The following TWIST2 variants were observed in gnomAD, a reference collection of about 807,000 sequenced individuals.
TWIST2 encodes twist-related protein 2.
Under a neutral mutation model 11.6 loss-of-function variants are expected in TWIST2, and 1 was observed. The ratio of observed to expected loss-of-function variants is 0.09; its 90% CI spans 0.03 to 0.41. The LOEUF (loss-of-function observed/expected upper bound fraction) is 0.41, where lower values mean the gene tolerates loss of function less well. Among genes scored for constraint, TWIST2 ranks in the 10% least tolerant of loss-of-function variants. The pLI is 0.98. For synonymous variants in TWIST2, 87 were observed against 96.6 expected, an observed-to-expected ratio of 0.90 and a Z score of 0.58; for missense variants, 168 against 226.4, an observed-to-expected ratio of 0.74 and a Z score of 1.66.
intron 1 of TWIST2, among the ~76,000 whole-genome samples, chr2:238,890,082 C>T (rs891911609): frequency 1.3e-5 from 2 of 152,328 alleles, no homozygotes; most frequent in Admixed American, 6.5e-5. Flanking sequence ...GTGGAGGATA[C>T]GTTCTTAAAG....
chr2:238,858,318 C>T (rs146512235), intron 1 of TWIST2, among the ~76,000 whole-genome samples: 73 of 152,302 alleles, frequency 4.8e-4, no homozygotes, highest in Non-Finnish European at 7.2e-4. Flanking sequence ...TGACTCTCTA[C>T]AACAGATTTT....
chr2:238,878,058 G>A (rs191347556), intron 1 of TWIST2, among the ~76,000 whole-genome samples: 46 of 152,262 alleles, frequency 3.0e-4, no homozygotes, highest in Admixed American at 2.4e-3. Context: ...TGGATTATGC[G>A]GAGCATAATT....
rs886666580 is a variant in TWIST2 at position 238,867,626 on chromosome 2, G to A, written c.*35+18893G>A. 2.0e-5 allele frequency among the ~76,000 whole-genome samples: 3 copies of A among 152,132 alleles called. No individual in the cohort carries two copies. The highest frequency in any genetic ancestry group is 1.5e-5 in the Non-Finnish European group (1 of 68,018). On this transcript the variant is annotated intron_variant, in intron 1 of 1. Coordinates refer to ENST00000612363, the MANE Select transcript of TWIST2 (RefSeq NM_001271893.4). The surrounding 1 kb of genome is among the most constrained non-coding windows in gnomAD (Gnocchi z 4.8). Reference sequence around the variant, plus strand: ...ACGGAGGAGCTGTCAGCAAGCAGGCGTCCGAAGATTGAGATCACAGAGGGG... The same window carrying A: ...ACGGAGGAGCTGTCAGCAAGCAGGCATCCGAAGATTGAGATCACAGAGGGG...
intron 1 of TWIST2, among the ~76,000 whole-genome samples, chr2:238,868,425 C>T (rs1055746182): frequency 2.0e-5 from 3 of 152,172 alleles, no homozygotes; most frequent in Non-Finnish European, 4.4e-5. Flanking sequence ...CTGCCCACTT[C>T]GGACAGGGGC....
chr2:238,873,598 GA>G (rs1692749955), intron 1 of TWIST2, among the ~76,000 whole-genome samples: 1 of 152,150 alleles, frequency 6.6e-6, no homozygotes, highest in Non-Finnish European at 1.5e-5. Context: ...ATGTTCTCAG[GA>G]AGGTGCACAC....
chr2:238,874,326 C>T (rs150594345), intron 1 of TWIST2, among the ~76,000 whole-genome samples: 1 of 152,290 alleles, frequency 6.6e-6, no homozygotes, highest in African/African-American at 2.4e-5. Context: ...CTCAACTTTC[C>T]TGCTGTGGGC....
intron 1 of TWIST2, among the ~76,000 whole-genome samples, chr2:238,872,138 C>T (rs557001180): frequency 1.1e-4 from 17 of 152,278 alleles, no homozygotes; most frequent in Non-Finnish European, 2.4e-4. Flanking sequence ...TGGGGGGGTC[C>T]CACAGTGGGT....
intron 1 of TWIST2, among the ~76,000 whole-genome samples, chr2:238,888,999 C>T (rs887080491): frequency 1.3e-5 from 2 of 152,144 alleles, no homozygotes; most frequent in African/African-American, 4.8e-5. Flanking sequence ...TAAATGTTCT[C>T]TTAAAAAAAT....
intron 1 of TWIST2, among the ~76,000 whole-genome samples, chr2:238,902,264 TTGGGGTG>T (rs2106373458): frequency 6.7e-6 from 1 of 149,628 alleles, no homozygotes; most frequent in South Asian, 2.1e-4. Context: ...TTTGTATGAA[TTGGGGTG>T]TGTGTGATGG....
intron 1 of TWIST2, among the ~76,000 whole-genome samples, chr2:238,901,085 C>T (rs879107941): frequency 0.37 from 56,218 of 151,104 alleles, 10,582 homozygotes; most frequent in Middle Eastern, 0.5. Flanking sequence ...TCAAGTGTTC[C>T]CCTGCCTCAG....
Position 238,883,183 on chromosome 2 carries a change from C to T in TWIST2, c.*36-26659C>T, listed in dbSNP as rs145632290. ...CTCGAAGTTCCTTGGAGGACAGCCG[C>T]GGTGTTTATGTGACTCTTGTTTTAT... On this transcript the variant is annotated intron_variant, in intron 1 of 1. Coordinates refer to ENST00000612363, the MANE Select transcript of TWIST2 (RefSeq NM_001271893.4). 8.2e-3 allele frequency among the ~76,000 whole-genome samples: 1,255 copies of T among 152,242 alleles called. 22 individuals carry two copies. The highest frequency in any genetic ancestry group is 0.029 in the African/African-American group (1,199 of 41,516).
intron 1 of TWIST2, among the ~76,000 whole-genome samples, chr2:238,857,009 G>A (rs1030422713): frequency 8.5e-5 from 13 of 152,182 alleles, no homozygotes; most frequent in South Asian, 2.1e-4. Context: ...TGTGACAATC[G>A]CAGGTGATTC....
intron 1 of TWIST2, among the ~76,000 whole-genome samples, chr2:238,886,621 C>T (rs1693043614): frequency 6.6e-6 from 1 of 151,914 alleles, no homozygotes; most frequent in African/African-American, 2.4e-5. Context: ...CAGTGCTTAT[C>T]TCGGTGAGTG....
At chr2:238,905,936 TGTGTGTGC>T (rs1321532592) in intron 1 of TWIST2, among the ~76,000 whole-genome samples, 31 of 112,300 alleles carry the variant, frequency 2.8e-4, no homozygotes, top group African/African-American at 1.1e-3. Flanking sequence ...CGTGTGCGCG[TGTGTGTGC>T]GCGCGCGTGT....
rs1011233645 is a variant in TWIST2 at position 238,897,785 on chromosome 2, G to A, written c.*36-12057G>A. Among the ~76,000 whole-genome samples, 89 of 152,338 alleles carry A rather than the reference G, an allele frequency of 5.8e-4. 1 individual carries two copies. Among genetic ancestry groups the A allele is most frequent in the African/African-American group, 1.9e-3 (80 of 41,572 alleles). On this transcript the variant is annotated intron_variant, in intron 1 of 1. Transcript: ENST00000612363. ...ATGCTGGCACTGCCCATCCCAGCCC[G>A]GGCTGGCAGCAAGCTGGGAGCCTAC...
chr2:238,902,354 T>G (rs1046946781), intron 1 of TWIST2, among the ~76,000 whole-genome samples: 13 of 149,856 alleles, frequency 8.7e-5, no homozygotes, highest in African/African-American at 3.2e-4. Context: ...TGGGTTTGTG[T>G]GAATCGGAGT....
At chr2:238,868,905 A>G (rs1692595137) in intron 1 of TWIST2, among the ~76,000 whole-genome samples, 1 of 152,208 alleles carries the variant, frequency 6.6e-6, no homozygotes, top group Admixed American at 6.5e-5. Flanking sequence ...GGTGGCATCC[A>G]CCTGCATTCT....
rs1389033848 is a variant in TWIST2, at chr2:238,866,971, C to T, written c.*35+18238C>T. 1.2e-4 allele frequency among the ~76,000 whole-genome samples: 18 copies of T among 152,156 alleles called. No individual in the cohort carries two copies. The highest frequency in any genetic ancestry group is 3.9e-4 in the African/African-American group (16 of 41,428). On this transcript the variant is annotated intron_variant, in intron 1 of 1. Coordinates refer to ENST00000612363, the MANE Select transcript of TWIST2 (RefSeq NM_001271893.4). The surrounding 1 kb of genome is among the most constrained non-coding windows in gnomAD (Gnocchi z 4.9). ...CATGGAGGGAGCCTCTGTTTCCCCA[C>T]CAAGTACACCAAGAAACTACACTGT...
chr2:238,891,829 GAGACCCAGGCGC>G (rs1693139224), intron 1 of TWIST2, among the ~76,000 whole-genome samples: 1 of 152,088 alleles, frequency 6.6e-6, no homozygotes, highest in Non-Finnish European at 1.5e-5. Context: ...TTTGCTCCTA[GAGACCCAGGCGC>G]TGGGTCTGCG....
Sources: allele counts gnomAD v4.1 joint callset (sites outside exome capture counted in the v4.1 genomes callset), GRCh38; gene constraint gnomAD v4.1.1; non-coding constraint Gnocchi (gnomAD v3.1); transcripts MANE v1.5; gene names NCBI Gene and HGNC (gene_info 2026-07-23, HGNC 2026-07-21).